HPSE2: variants seen among roughly 807,000 people sequenced by gnomAD.
HPSE2 encodes the protein inactive heparanase-2.
A neutral mutation model predicts 60.5 loss-of-function variants in HPSE2; 38 were observed. That is an observed-to-expected ratio of 0.63 (90% CI 0.48 to 0.82). The LOEUF is 0.82. HPSE2 is among the 40% of genes least tolerant of loss of function. The pLI, the probability that HPSE2 is intolerant of heterozygous loss-of-function variation, is 0.00. For synonymous variants in HPSE2, 295 were observed against 293.2 expected, an observed-to-expected ratio of 1.01 and a Z score of -0.06; for missense variants, 713 against 740.4, an observed-to-expected ratio of 0.96 and a Z score of 0.43.
At chr10:98,602,163 T>C (rs1232772561) in intron 9 of HPSE2, among the ~76,000 whole-genome samples, 3 of 152,106 alleles carry the variant, frequency 2.0e-5, no homozygotes, top group African/African-American at 7.2e-5. Context: ...GAACTAATTA[T>C]TTGGAAGCAA....
intron 3 of HPSE2, among the ~76,000 whole-genome samples, chr10:98,969,344 C>T (rs1273363937): frequency 2.0e-5 from 3 of 152,080 alleles, no homozygotes; most frequent in Non-Finnish European, 2.9e-5. Context: ...CTTTTTCTAC[C>T]TGCCCTTCAG....
chr10:98,926,993 G>A (rs536669484), intron 3 of HPSE2, among the ~76,000 whole-genome samples: 1 of 152,194 alleles, frequency 6.6e-6, no homozygotes, highest in South Asian at 2.1e-4. Flanking sequence ...TATAATTTCT[G>A]TTCTTTTACA....
At chr10:99,297,978 G>A in the HPSE2 span, among the ~76,000 whole-genome samples, 4 of 152,150 alleles carry the variant, frequency 2.6e-5, no homozygotes, top group Non-Finnish European at 4.4e-5. Context: ...CCAATTCCAA[G>A]TGCTTTCCTG....
At chr10:98,704,882 AC>A (rs1948505511) in intron 5 of HPSE2, among the ~76,000 whole-genome samples, 1 of 152,220 alleles carries the variant, frequency 6.6e-6, no homozygotes, top group Admixed American at 6.5e-5. Flanking sequence ...GCCAAAAGCA[AC>A]TGCAACCAAA....
At chr10:98,571,669 T>C (rs1322383433) in intron 9 of HPSE2, among the ~76,000 whole-genome samples, 1 of 152,132 alleles carries the variant, frequency 6.6e-6, no homozygotes, top group Admixed American at 6.5e-5. Flanking sequence ...AATTACAACA[T>C]TCATGGACTA....
intron 3 of HPSE2, among the ~76,000 whole-genome samples, chr10:98,987,202 A>T (rs1956385117): frequency 6.6e-6 from 1 of 152,178 alleles, no homozygotes; most frequent in Non-Finnish European, 1.5e-5. Context: ...AAAAAAGAGA[A>T]TTTTAGACCA....
chr10:98,930,293 T>C lies in HPSE2; in HGVS notation c.611-186237A>G, dbSNP rs1954607757. 3.5e-5 allele frequency among the ~76,000 whole-genome samples: 5 copies of C among 144,184 alleles called. No homozygotes were observed. The South Asian group carries it at 1.0e-3, about 30-fold the overall frequency. The allele number at this position is 144,184 out of a possible 152,430, so 94.6% of individuals were successfully genotyped here. A position where few individuals can be genotyped will look rare whatever the true frequency, so the allele number is the denominator to read the frequency against. ...GGATAATGGCTTCCAGCTTAATCTA[T>C]GTTCCTGTAAAGGACATGATTTCAT... On this transcript the variant is annotated intron_variant, in intron 3 of 11. Coordinates refer to ENST00000370552, the MANE Select transcript of HPSE2 (RefSeq NM_021828.5).
At chr10:98,764,544 T>A (rs1406671226) in intron 3 of HPSE2, among the ~76,000 whole-genome samples, 1 of 152,068 alleles carries the variant, frequency 6.6e-6, no homozygotes, top group Non-Finnish European at 1.5e-5. Context: ...TAAAATATAA[T>A]TATATAAATA....
chr10:98,781,366 G>A (rs1950465403), intron 3 of HPSE2, among the ~76,000 whole-genome samples: 1 of 139,560 alleles, frequency 7.2e-6, no homozygotes, highest in Non-Finnish European at 1.5e-5. Context: ...AAAAAGAACT[G>A]AACACTGAAA....
chr10:98,539,499 C>T (rs187630629), intron 9 of HPSE2, among the ~76,000 whole-genome samples: 92 of 152,072 alleles, frequency 6.0e-4, no homozygotes, highest in Non-Finnish European at 9.3e-4. Context: ...CCAGGCTGGG[C>T]GACAGAGCGA....
intron 7 of HPSE2, among the ~76,000 whole-genome samples, chr10:98,631,884 T>C (rs2134012540): frequency 6.6e-6 from 1 of 152,308 alleles, no homozygotes; most frequent in South Asian, 2.1e-4. Context: ...AACCCTTACT[T>C]CATTCATCCA....
chr10:99,128,786 GT>G (rs1564829682), intron 3 of HPSE2, among the ~76,000 whole-genome samples: 5 of 152,008 alleles, frequency 3.3e-5, no homozygotes, highest in Non-Finnish European at 1.5e-5. Context: ...CATAGCACAT[GT>G]TTACCTATGT....
intron 3 of HPSE2, among the ~76,000 whole-genome samples, chr10:98,865,776 T>C (rs1192523031): frequency 6.6e-6 from 1 of 152,108 alleles, no homozygotes; most frequent in Non-Finnish European, 1.5e-5. Flanking sequence ...CCAGTAAGCC[T>C]GAAAAAAATC....
chr10:99,135,683 T>C (rs938432429), intron 3 of HPSE2, among the ~76,000 whole-genome samples: 5 of 152,178 alleles, frequency 3.3e-5, no homozygotes, highest in African/African-American at 1.2e-4. Flanking sequence ...CCAGAATCTC[T>C]GGGACACATT....
At position 98,867,501 on chromosome 10, in the gene HPSE2, T is replaced by C. The variant is rs117005803; in HGVS notation, c.611-123445A>G. On this transcript the variant is annotated intron_variant, in intron 3 of 11. Transcript: ENST00000370552. Reference sequence around the variant, plus strand: ...TATACAAAAATCAGGCAATAACAAATGCTGACGAGCATGTAGAGAAAAGGG... The same window carrying C: ...TATACAAAAATCAGGCAATAACAAACGCTGACGAGCATGTAGAGAAAAGGG... Among the ~76,000 whole-genome samples the C allele has an allele frequency of 6.4e-3, 974 of 152,172 alleles. 6 individuals are homozygous for C. Among genetic ancestry groups the C allele is most frequent in the Admixed American group, 0.018 (275 of 15,274 alleles).
chr10:98,959,576 C>G lies in HPSE2; in HGVS notation c.610+184662G>C, dbSNP rs146914400. On this transcript the variant is annotated intron_variant, in intron 3 of 11. Transcript: ENST00000370552. ...TGATACTAATGTGTTCAATGATCTACATTTGAGAGGCTGTATTTCTGAAGC... is the reference window on the plus strand; with the variant it reads ...TGATACTAATGTGTTCAATGATCTAGATTTGAGAGGCTGTATTTCTGAAGC... Among the ~76,000 whole-genome samples the G allele has an allele frequency of 5.1e-3, 775 of 152,222 alleles. 8 individuals are homozygous for G. Among genetic ancestry groups the G allele is most frequent in the African/African-American group, 0.018 (744 of 41,544 alleles).
intron 9 of HPSE2, among the ~76,000 whole-genome samples, chr10:98,528,189 T>C (rs1479530503): frequency 6.6e-6 from 1 of 152,150 alleles, no homozygotes; most frequent in Non-Finnish European, 1.5e-5. Context: ...CGAATGATGA[T>C]GAGAGAGACA....
At chr10:98,767,615 GTA>G (rs986687629) in intron 3 of HPSE2, among the ~76,000 whole-genome samples, 3 of 131,070 alleles carry the variant, frequency 2.3e-5, no homozygotes, top group Non-Finnish European at 4.5e-5. Context: ...AACATGTATA[GTA>G]TATGTTAATA....
At chr10:98,765,481 C>A (rs1397428319) in intron 3 of HPSE2, among the ~76,000 whole-genome samples, 4 of 152,042 alleles carry the variant, frequency 2.6e-5, no homozygotes, top group Non-Finnish European at 2.9e-5. Flanking sequence ...TAGAACATAT[C>A]GAAATTTGTG....
Sources: gnomAD v4.1 joint callset for allele counts (sites outside exome capture counted in the v4.1 genomes callset) on GRCh38, gnomAD v4.1.1 for gene constraint, MANE v1.5 for transcripts, NCBI Gene and HGNC (gene_info 2026-07-23, HGNC 2026-07-21) for gene names.